The following GRIA2 variants were observed in gnomAD, a reference collection of about 807,000 sequenced individuals.
The protein encoded by GRIA2 is glutamate receptor 2.
GRIA2 carries 14 observed loss-of-function variants against 97.3 expected under a neutral mutation model. The ratio of observed to expected loss-of-function variants is 0.14; its 90% CI spans 0.10 to 0.23. The LOEUF is 0.23. Among genes scored for constraint, GRIA2 ranks in the 10% least tolerant of loss-of-function variants. The probability of loss-of-function intolerance (pLI) is 1.00; values close to 1 mark genes in which losing one functional copy is unlikely to be tolerated. For missense variants in GRIA2, 558 were observed against 1,069.8 expected (o/e 0.52, Z 6.67); for synonymous variants, 412 against 387.8 (o/e 1.06, Z -0.73).
At chr4:157,223,302 A>G (rs934079054) in intron 2 of GRIA2, among the ~76,000 whole-genome samples, 1 of 152,186 alleles carries the variant, frequency 6.6e-6, no homozygotes, top group African/African-American at 2.4e-5. Context: ...AATTGTTTAT[A>G]ATGGATCTAT....
At chr4:157,259,592 A>T (rs1186048767) in intron 2 of GRIA2, among the ~76,000 whole-genome samples, 1 of 152,116 alleles carries the variant, frequency 6.6e-6, no homozygotes, top group East Asian at 1.9e-4. Flanking sequence ...CAAATAATTT[A>T]AAAGAGGAGC....
intron 1 of GRIA2, 46 bp from the exon 2 acceptor site, chr4:157,221,621 C>T: frequency 6.3e-7 from 1 of 1,596,898 alleles, no homozygotes; most frequent in East Asian, 2.2e-5. Flanking sequence ...CCTTTCCCTC[C>T]CGGGGCACTG....
chr4:157,350,866 T>C, intron 12 of GRIA2, among the ~76,000 whole-genome samples: 1 of 151,878 alleles, frequency 6.6e-6, no homozygotes, highest in Non-Finnish European at 1.5e-5. Context: ...TCTATGAATA[T>C]GAACTGATTG....
chr4:157,286,177 A>G (rs1321106585), intron 2 of GRIA2, among the ~76,000 whole-genome samples: 2 of 151,558 alleles, frequency 1.3e-5, no homozygotes, highest in African/African-American at 2.4e-5. Context: ...TCTCATTTTT[A>G]CAGATGAAAA....
At chr4:157,306,412 AT>A (rs1385461992) in intron 3 of GRIA2, among the ~76,000 whole-genome samples, 5 of 152,196 alleles carry the variant, frequency 3.3e-5, no homozygotes, top group African/African-American at 1.2e-4. Flanking sequence ...ATTAAATGAA[AT>A]TGAAGTGATG....
In GRIA2 at chr4:157,365,773, A is replaced by AAG. The variant is rs1487346979; in HGVS notation, c.*2343_*2344insGA. The AAG allele has an allele frequency of 1.3e-5, 2 of 151,902 alleles. No individual in the cohort carries two copies. The highest frequency in any genetic ancestry group is 3.9e-4 in the East Asian group (2 of 5,174). 9.4% of individuals were successfully genotyped at this position (151,902 alleles called of 1,614,324 possible). On this transcript the variant is annotated 3_prime_UTR_variant, in exon 16 of 16. Transcript: ENST00000264426. ...GGTTTTTTTATTCATTTTATATAAA[A>AAG]ACTGTTATGGAAAGACCAAAATGTT... is the stretch of plus-strand genomic sequence containing the variant.
chr4:157,361,712 C>A lies in GRIA2; in HGVS notation c.2406+588C>A. 2 of 1,171,844 alleles carry A rather than the reference C, an allele frequency of 1.7e-6. No individual in the cohort carries two copies. The highest frequency in any genetic ancestry group is 2.6e-6 in the Non-Finnish European group (2 of 782,160). The allele number at this position is 1,171,844 out of a possible 1,614,324, so 72.6% of individuals were successfully genotyped here. ...ATCAAACACAAACAGCAAAATCAAA[C>A]CACAAGTGTGTTAGTGGGAATGACC... is the stretch of plus-strand genomic sequence containing the variant. On this transcript the variant is annotated intron_variant, in intron 14 of 15. Coordinates refer to ENST00000264426, the MANE Select transcript of GRIA2 (RefSeq NM_001083619.3). The surrounding 1 kb of genome is among the most constrained non-coding windows in gnomAD (Gnocchi z 5.2).
intron 12 of GRIA2, among the ~76,000 whole-genome samples, chr4:157,341,696 G>A (rs576361639): frequency 2.0e-5 from 3 of 152,156 alleles, no homozygotes; most frequent in East Asian, 3.9e-4. Context: ...AATGAAATCT[G>A]TTTTACAAAA....
At chr4:157,357,949 T>C (rs541515548) in intron 12 of GRIA2, among the ~76,000 whole-genome samples, 1 of 152,276 alleles carries the variant, frequency 6.6e-6, no homozygotes, top group South Asian at 2.1e-4. Flanking sequence ...TTTCATGTAA[T>C]ATTTTAATGC....
intron 2 of GRIA2, among the ~76,000 whole-genome samples, chr4:157,234,054 T>C (rs1170491868): frequency 1.3e-5 from 2 of 152,178 alleles, no homozygotes; most frequent in Non-Finnish European, 1.5e-5. Flanking sequence ...AAATTATGGC[T>C]TCACTATTTA....
intron 2 of GRIA2, among the ~76,000 whole-genome samples, chr4:157,270,501 A>G (rs1283411735): frequency 1.3e-5 from 2 of 152,156 alleles, no homozygotes; most frequent in African/African-American, 4.8e-5. Flanking sequence ...AACAAATTAT[A>G]TTTATGAGCA....
intron 2 of GRIA2, among the ~76,000 whole-genome samples, chr4:157,266,392 A>T (rs1414178095): frequency 1.3e-5 from 2 of 152,132 alleles, no homozygotes; most frequent in Non-Finnish European, 2.9e-5. Flanking sequence ...AGTAGGTGAA[A>T]ATCAAAGGTA....
chr4:157,323,353 A>G (rs2126910621), intron 6 of GRIA2, among the ~76,000 whole-genome samples: 1 of 150,792 alleles, frequency 6.6e-6, no homozygotes, highest in South Asian at 2.1e-4. Flanking sequence ...AAAAAAAAAA[A>G]AAAAAAAAAA....
chr4:157,276,932 A>G (rs930018418), intron 2 of GRIA2, among the ~76,000 whole-genome samples: 3 of 151,976 alleles, frequency 2.0e-5, no homozygotes, highest in African/African-American at 7.2e-5. Context: ...AATTTTCTGA[A>G]AAAGAAAGCA....
At chr4:157,328,285 C>G (rs147766877) in intron 6 of GRIA2, among the ~76,000 whole-genome samples, 47 of 152,080 alleles carry the variant, frequency 3.1e-4, no homozygotes, top group African/African-American at 1.1e-3. Context: ...ATCTCTAATA[C>G]CATGATTATG....
At chr4:157,291,222 C>G (rs1034356012) in intron 2 of GRIA2, among the ~76,000 whole-genome samples, 4 of 152,044 alleles carry the variant, frequency 2.6e-5, no homozygotes, top group African/African-American at 7.2e-5. Flanking sequence ...TCCCGAATGC[C>G]TCCTTTTCAG....
At chr4:157,352,534 G>C (rs529072627) in intron 12 of GRIA2, among the ~76,000 whole-genome samples, 16 of 151,714 alleles carry the variant, frequency 1.1e-4, no homozygotes, top group Non-Finnish European at 2.4e-4. Flanking sequence ...TGGCCAACAT[G>C]ATGAAACCCC....
At chr4:157,238,170 T>C (rs995821597) in intron 2 of GRIA2, among the ~76,000 whole-genome samples, 2 of 152,138 alleles carry the variant, frequency 1.3e-5, no homozygotes, top group African/African-American at 4.8e-5. Context: ...ATAACATAAA[T>C]TTGATTTAAA....
intron 5 of GRIA2, among the ~76,000 whole-genome samples, chr4:157,318,922 A>G (rs939574942): frequency 3.3e-5 from 5 of 152,204 alleles, no homozygotes; most frequent in African/African-American, 1.2e-4. Context: ...GGTGACAGAA[A>G]GAGATAAAAC....
Sources: allele counts gnomAD v4.1 joint callset (sites outside exome capture counted in the v4.1 genomes callset), GRCh38; gene constraint gnomAD v4.1.1; non-coding constraint Gnocchi (gnomAD v3.1); transcripts MANE v1.5; gene names NCBI Gene and HGNC (gene_info 2026-07-23, HGNC 2026-07-21).